The following PRB3 variants were observed in gnomAD, a reference collection of about 807,000 sequenced individuals.
The protein encoded by PRB3 is proline rich protein BstNI subfamily 3.
Under a neutral mutation model 10.0 loss-of-function variants are expected in PRB3, and 9 were observed. That is an observed-to-expected ratio of 0.90 (90% CI 0.54 to 1.57). The LOEUF (loss-of-function observed/expected upper bound fraction) is 1.57, where lower values mean the gene tolerates loss of function less well. Ranked by LOEUF, PRB3 falls within the 40% of genes most tolerant of loss-of-function variation. PRB3 has a pLI of 0.00. For synonymous variants in PRB3, 89 were observed against 138.6 expected, an observed-to-expected ratio of 0.64 and a Z score of 2.52; for missense variants, 285 against 385.5, an observed-to-expected ratio of 0.74 and a Z score of 2.18.
Position 11,267,319 on chromosome 12 carries a change from T to C in PRB3, c.930A>G (p.Gly310=), listed in dbSNP as rs772981780. ...GGGGATTGCCTCCTGGTGGGGGTGG[T>C]CCTTGTGGCCTTCCTGGAGGAGGGG... The part of the protein sequence containing the change: ...QRPPPPGRPQ[G]PPPPGGNPQQ... Residue 310 remains glycine (G), a synonymous_variant, in exon 3 of 4, where the codon GGA becomes GGG. Coordinates refer to ENST00000538488, the MANE Select transcript of PRB3 (RefSeq NM_001394862.1). 2.5e-6 allele frequency: 4 copies of C among 1,611,676 alleles called. No individual in the cohort carries two copies. The highest frequency in any genetic ancestry group is 3.4e-6 in the Non-Finnish European group (4 of 1,178,684).
intron 2 of PRB3, 143 bp from the exon 3 acceptor site, chr12:11,268,291 G>T: frequency 2.2e-6 from 3 of 1,393,060 alleles, no homozygotes; most frequent in Non-Finnish European, 3.0e-6. Flanking sequence ...CTCTGGAGTG[G>T]AATGCTGGAG....
At chr12:11,266,086 G>C (rs961509312) in intron 3 of PRB3, 57 bp from the exon 4 acceptor site, 10 of 452,168 alleles carry the variant, frequency 2.2e-5, no homozygotes, top group African/African-American at 2.0e-4. Flanking sequence ...AGGAAATGTC[G>C]AATTCCTCAC....
At chr12:11,268,229 A>G (rs1433490304) in intron 2 of PRB3, 81 bp from the exon 3 acceptor site, 15 of 1,598,638 alleles carry the variant, frequency 9.4e-6, no homozygotes, top group East Asian at 6.7e-5. Flanking sequence ...GGAAATGCAC[A>G]AAAATAAGAC....
chr12:11,268,244 A>G, intron 2 of PRB3, 96 bp from the exon 3 acceptor site: 1 of 1,582,248 alleles, frequency 6.3e-7, no homozygotes. Flanking sequence ...TAAGACCCAG[A>G]CACTAATTTC....
intron 1 of PRB3, 46 bp downstream of exon 1, chr12:11,269,560 T>G (rs1394846654): frequency 1.2e-6 from 2 of 1,603,698 alleles, no homozygotes; most frequent in Admixed American, 1.7e-5. Context: ...TATCACCTCC[T>G]AAGCCCCAAG....
intron 3 of PRB3, among the ~76,000 whole-genome samples, chr12:11,266,355 AC>A (rs1948586603): frequency 6.6e-6 from 1 of 152,198 alleles, no homozygotes; most frequent in African/African-American, 2.4e-5. Context: ...AGATGAAACC[AC>A]CCTCAGTATC....
At chr12:11,268,272 G>A in intron 2 of PRB3, 124 bp from the exon 3 acceptor site, 1 of 1,491,942 alleles carries the variant, frequency 6.7e-7, no homozygotes, top group Non-Finnish European at 9.2e-7. Flanking sequence ...TTTCAGTGAA[G>A]CTCTAGAACT....
Position 11,267,218 on chromosome 12 carries a change from G to C in PRB3, c.1031C>G (p.Pro344Arg), listed in dbSNP as rs1267868652. ...PPPQGGRPHR[P>R]PQGQPPQ ...TTACTGGGGAGGCTGTCCCTGGGGA[G>C]GTCTGTGTGGTCTGCCCCCTTGAGG... Residue 344 changes from proline to arginine, a missense_variant, in exon 3 of 4, where the codon CCT (proline) becomes CGT (arginine). Pro to Arg is a moderately radical substitution (Grantham distance 103). This residue lies in a region of PRB3 where 108 missense variants were observed against 106.9 expected (regional missense o/e 1.01). Coordinates refer to ENST00000538488, the MANE Select transcript of PRB3 (RefSeq NM_001394862.1). 1 of 1,614,058 alleles carries C rather than the reference G, an allele frequency of 6.2e-7. No individual in the cohort carries two copies. Among genetic ancestry groups the C allele is most frequent in the Admixed American group, 1.7e-5 (1 of 60,022 alleles).
intron 1 of PRB3, 100 bp downstream of exon 1, chr12:11,269,506 C>T (rs189951051): frequency 7.0e-7 from 1 of 1,433,740 alleles, no homozygotes; most frequent in Admixed American, 1.7e-5. Context: ...ACCTCTGCAG[C>T]CCCATCTGTG....
At chr12:11,269,117 A>T (rs1186691193) in intron 1 of PRB3, among the ~76,000 whole-genome samples, 2 of 152,102 alleles carry the variant, frequency 1.3e-5, no homozygotes, top group African/African-American at 2.4e-5. Flanking sequence ...GGAAAGAAAA[A>T]TCACAATGAT....
In PRB3 at chr12:11,269,597, C is replaced by G; in HGVS notation, c.64+9G>C. ...AGAGTCACCACATCTTCTCCTCCTT[C>G]TGTCTTACCTTCATTTAAGCTCTGA... On this transcript the variant is annotated intron_variant, in intron 1 of 3. Coordinates refer to ENST00000538488, the MANE Select transcript of PRB3 (RefSeq NM_001394862.1). The G allele has an allele frequency of 6.2e-7, 1 of 1,613,968 alleles. No homozygotes were observed. The highest frequency in any genetic ancestry group is 8.5e-7 in the Non-Finnish European group (1 of 1,179,860).
chr12:11,268,413 A>C (rs977027293), intron 2 of PRB3, among the ~76,000 whole-genome samples: 1 of 151,738 alleles, frequency 6.6e-6, no homozygotes, highest in Non-Finnish European at 1.5e-5. Context: ...AAGTCAACCC[A>C]CTCCCGTTTT....
At position 11,268,619 on chromosome 12, in the gene PRB3, G is replaced by T. The variant is rs1333561194; in HGVS notation, c.100+14C>A. The stretch of plus-strand genomic sequence containing the variant: ...AAGATAGTTAAAACAGATTGAGAGT[G>T]AATTGGGATTTACCTGATATTACGG... On this transcript the variant is annotated intron_variant, in intron 2 of 3. Coordinates refer to ENST00000538488, the MANE Select transcript of PRB3 (RefSeq NM_001394862.1). 6.2e-7 allele frequency: 1 copy of T among 1,602,194 alleles called. No individual in the cohort carries two copies. Among genetic ancestry groups the T allele is most frequent in the Non-Finnish European group, 8.6e-7 (1 of 1,169,140 alleles).
chr12:11,266,427 T>G (rs1446391791), intron 3 of PRB3, among the ~76,000 whole-genome samples: 1 of 152,164 alleles, frequency 6.6e-6, no homozygotes, highest in African/African-American at 2.4e-5. Flanking sequence ...AGCATAAAAT[T>G]GTAAAAGCAA....
chr12:11,266,184 G>T (rs1948584842), intron 3 of PRB3, among the ~76,000 whole-genome samples, 155 bp from the exon 4 acceptor site: 1 of 152,124 alleles, frequency 6.6e-6, no homozygotes, highest in African/African-American at 2.4e-5. Context: ...TTTTTTCTGT[G>T]TTCACTCTTT....
At position 11,268,051 on chromosome 12, in the gene PRB3, G is replaced by C. The variant is rs1476707697; in HGVS notation, c.198C>G (p.Asn66Lys). ...KPEGRPPQGG[N>K]QSQGPPPRPG... ...GACGAGGTGGGGGACCTTGGGACTG[G>C]TTGCCTCCTTGTGGGGGTCGTCCTT... The change falls in exon 3 of 4, where the codon AAC (asparagine) becomes AAG (lysine). Residue 66 changes from asparagine (N) to lysine (K), a missense_variant. Physicochemically the swap from Asn to Lys is moderately conservative, Grantham distance 94. Transcript: ENST00000538488. 1 of 1,600,654 alleles carries C rather than the reference G, an allele frequency of 6.2e-7. No individual in the cohort carries two copies. The highest frequency in any genetic ancestry group is 2.3e-5 in the East Asian group (1 of 43,764).
chr12:11,269,699 C>A lies in PRB3; in HGVS notation c.-30G>T. The A allele has an allele frequency of 3.1e-6, 5 of 1,613,454 alleles. No homozygotes were observed. Among genetic ancestry groups the A allele is most frequent in the Non-Finnish European group, 4.2e-6 (5 of 1,179,462 alleles). On this transcript the variant is annotated 5_prime_UTR_variant, in exon 1 of 4. Coordinates refer to ENST00000538488, the MANE Select transcript of PRB3 (RefSeq NM_001394862.1). Reference sequence around the variant, plus strand: ...CTGGAGGCTCTGGAGTCACTCCCAACTCTGTGCTGGGAGAACCATGGCAGC... The same window carrying A: ...CTGGAGGCTCTGGAGTCACTCCCAAATCTGTGCTGGGAGAACCATGGCAGC...
Position 11,266,846 on chromosome 12 carries a change from A to C in PRB3, c.*17+330T>G, listed in dbSNP as rs117399726. Reference sequence around the variant, plus strand: ...TGGCGTGAGGCAGGAATGAGCAAACAGTGCTCAGGTGAAAAATTTAAATGC... The same window carrying C: ...TGGCGTGAGGCAGGAATGAGCAAACCGTGCTCAGGTGAAAAATTTAAATGC... On this transcript the variant is annotated intron_variant, in intron 3 of 3. Transcript: ENST00000538488. 3.0e-4 allele frequency among the ~76,000 whole-genome samples: 46 copies of C among 152,338 alleles called. No homozygotes were observed. In the East Asian group the frequency reaches 7.3e-3, roughly 24 times the overall value.
Position 11,269,634 on chromosome 12 carries a change from G to A in PRB3, c.36C>T (p.Ala12=). Residue 12 remains alanine (A), a synonymous_variant, in exon 1 of 4, where the codon GCC becomes GCT. Coordinates refer to ENST00000538488, the MANE Select transcript of PRB3 (RefSeq NM_001394862.1). ...LLILLSVALL[A]LSSAQSLNED... ...CATTTAAGCTCTGAGCTGAGCTCAG[G>A]GCCAGCAGGGCCACCGACAGCAGAA... The A allele has an allele frequency of 5.6e-6, 9 of 1,614,034 alleles. No individual in the cohort carries two copies. The highest frequency in any genetic ancestry group is 7.6e-6 in the Non-Finnish European group (9 of 1,179,964).
Sources: allele counts gnomAD v4.1 joint callset (sites outside exome capture counted in the v4.1 genomes callset), GRCh38; gene constraint gnomAD v4.1.1; regional missense constraint gnomAD v4.1.1; transcripts MANE v1.5; gene names NCBI Gene and HGNC (gene_info 2026-07-23, HGNC 2026-07-21).